The following MINDY2 variants were observed in gnomAD, a reference collection of about 807,000 sequenced individuals.
MINDY2 encodes the protein ubiquitin carboxyl-terminal hydrolase MINDY-2.
Under a neutral mutation model 68.2 loss-of-function variants are expected in MINDY2, and 52 were observed. The ratio of observed to expected loss-of-function variants is 0.76; its 90% confidence interval spans 0.61 to 0.96. MINDY2 has a LOEUF of 0.96. Ranked by LOEUF, MINDY2 falls within the 40% of genes least tolerant of loss-of-function variation. The pLI is 0.00. For missense variants in MINDY2, 881 were observed against 773.4 expected, an observed-to-expected ratio of 1.14 and a Z score of -1.65; for synonymous variants, 372 against 303.0, an observed-to-expected ratio of 1.23 and a Z score of -2.36.
At chr15:58,787,860 T>G in intron 1 of MINDY2, 46 bp from the exon 2 acceptor site, 1 of 1,308,722 alleles carries the variant, frequency 7.6e-7, no homozygotes, top group Admixed American at 2.0e-5. Context: ...AATACTTTAG[T>G]CACCTAAAAC....
chr15:58,794,650 A>G (rs959586362), intron 2 of MINDY2, among the ~76,000 whole-genome samples: 2 of 152,084 alleles, frequency 1.3e-5, no homozygotes, highest in Non-Finnish European at 2.9e-5. Context: ...TGACAGGAGC[A>G]AGTGGATACC....
intron 4 of MINDY2, among the ~76,000 whole-genome samples, chr15:58,817,168 T>C (rs986650999): frequency 1.3e-5 from 2 of 152,106 alleles, no homozygotes; most frequent in Non-Finnish European, 2.9e-5. Flanking sequence ...CCAAACAGAA[T>C]GTAAAAGCAA....
chr15:58,785,135 C>CAAAAGAAAAAA (rs1901401933), intron 1 of MINDY2, among the ~76,000 whole-genome samples: 1 of 68,468 alleles, frequency 1.5e-5, no homozygotes, highest in Non-Finnish European at 2.7e-5. Flanking sequence ...TGAAGGAAAG[C>CAAAAGAAAAAA]AAAAAAAAAA....
At position 58,810,289 on chromosome 15, in the gene MINDY2, AAG is replaced by A. The variant is rs2030141843; in HGVS notation, c.1025_1026del (p.Arg342IlefsTer8). 1 of 1,613,814 alleles carries A rather than the reference AAG, an allele frequency of 6.2e-7. No homozygotes were observed. The highest frequency in any genetic ancestry group is 1.3e-5 in the African/African-American group (1 of 74,912). On this transcript the variant is annotated frameshift_variant, in exon 4 of 9. Coordinates refer to ENST00000559228, the MANE Select transcript of MINDY2 (RefSeq NM_001040450.3). LOFTEE classifies it high-confidence loss of function. ...TACAGACAGGCCTGGATGTAAATGT[AAG>A]ATTCACTGGTGTTCGAGTGTTTGAA... ...KLQTGLDVNV[R>X]FTGVRVFEYT...
rs138558672 is a variant in MINDY2, at chr15:58,858,937, A to G, written c.*4327A>G. The G allele has an allele frequency of 4.3e-4, 66 of 152,290 alleles. No individual in the cohort carries two copies. The East Asian group carries it at 9.8e-3, about 23-fold the overall frequency. 9.4% of individuals were successfully genotyped at this position (152,290 alleles called of 1,614,324 possible). On this transcript the variant is annotated 3_prime_UTR_variant, in exon 9 of 9. Coordinates refer to ENST00000559228, the MANE Select transcript of MINDY2 (RefSeq NM_001040450.3). Reference sequence around the variant, plus strand: ...CTCAATGTACTCTTTAAATATGTGAAGGATGCTCTTTTTGATTAAGTGTTT... The same window carrying G: ...CTCAATGTACTCTTTAAATATGTGAGGGATGCTCTTTTTGATTAAGTGTTT...
intron 5 of MINDY2, among the ~76,000 whole-genome samples, chr15:58,830,120 T>C (rs2031634331): frequency 6.6e-6 from 1 of 152,156 alleles, no homozygotes; most frequent in South Asian, 2.1e-4. Flanking sequence ...TTAAAAAATA[T>C]GTATACAGTT....
At chr15:58,813,911 T>C (rs11631244) in intron 4 of MINDY2, among the ~76,000 whole-genome samples, 9 of 151,002 alleles carry the variant, frequency 6.0e-5, no homozygotes, top group African/African-American at 2.2e-4. Flanking sequence ...AATATTTCAT[T>C]GTAGTTTTAA....
chr15:58,833,600 C>CT (rs1297125231), intron 6 of MINDY2, among the ~76,000 whole-genome samples: 5 of 152,126 alleles, frequency 3.3e-5, no homozygotes, highest in African/African-American at 4.8e-5. Flanking sequence ...GAACAAATGT[C>CT]TCTGCATCAT....
intron 6 of MINDY2, among the ~76,000 whole-genome samples, chr15:58,838,132 T>C (rs2032093785): frequency 6.6e-6 from 1 of 152,064 alleles, no homozygotes; most frequent in African/African-American, 2.4e-5. Flanking sequence ...GTGTGGTGGT[T>C]CACGCCTGTA....
At chr15:58,814,089 C>T (rs571342165) in intron 4 of MINDY2, among the ~76,000 whole-genome samples, 4 of 151,972 alleles carry the variant, frequency 2.6e-5, no homozygotes, top group Admixed American at 2.0e-4. Context: ...AGGCGCCCAC[C>T]ACCATGCCCA....
At chr15:58,779,302 G>A (rs1344480883) in intron 1 of MINDY2, among the ~76,000 whole-genome samples, 2 of 152,226 alleles carry the variant, frequency 1.3e-5, no homozygotes, top group Admixed American at 6.5e-5. Flanking sequence ...TCGAATGGAC[G>A]TATGCTATTG....
At chr15:58,772,316 T>G in intron 1 of MINDY2, 81 bp downstream of exon 1, 1 of 1,568,234 alleles carries the variant, frequency 6.4e-7, no homozygotes, top group Admixed American at 1.8e-5. Flanking sequence ...TGTCAGGTGA[T>G]GGCTTCCTTT....
At chr15:58,835,536 C>T (rs1391458402) in intron 6 of MINDY2, among the ~76,000 whole-genome samples, 2 of 152,112 alleles carry the variant, frequency 1.3e-5, no homozygotes, top group African/African-American at 4.8e-5. Flanking sequence ...GCCTGTAATT[C>T]CAGCTACTTG....
Position 58,858,040 on chromosome 15 carries a change from T to A in MINDY2, c.*3430T>A, listed in dbSNP as rs1567083518. ...CAAGTTTTCATGACCTCTGTTAGAT[T>A]CTCAAAAGAATTCAGAACTTCAATT... On this transcript the variant is annotated 3_prime_UTR_variant, in exon 9 of 9. Transcript: ENST00000559228. 1 of 152,220 alleles carries A rather than the reference T, an allele frequency of 6.6e-6. No homozygotes were observed. The highest frequency in any genetic ancestry group is 1.9e-4 in the East Asian group (1 of 5,202). 9.4% of individuals were successfully genotyped at this position (152,220 alleles called of 1,614,324 possible). A position where few individuals can be genotyped will look rare whatever the true frequency, so the allele number is the denominator to read the frequency against.
rs374052441 is a variant in MINDY2, at chr15:58,810,183, T to C, written c.964-47T>C. The C allele has an allele frequency of 2.8e-5, 42 of 1,505,628 alleles. No individual in the cohort carries two copies. In the African/African-American group the frequency reaches 4.8e-4, roughly 17 times the overall value. 93.3% of individuals were successfully genotyped at this position (1,505,628 alleles called of 1,614,324 possible). On this transcript the variant is annotated intron_variant, in intron 3 of 8. Coordinates refer to ENST00000559228, the MANE Select transcript of MINDY2 (RefSeq NM_001040450.3). Reference sequence around the variant, plus strand: ...TTGTACTTGAATATCTTTTTTGTTCTCGTTTTGATGTTTCTGAATTAGAAC... The same window carrying C: ...TTGTACTTGAATATCTTTTTTGTTCCCGTTTTGATGTTTCTGAATTAGAAC...
chr15:58,849,447 G>T (rs1200973581), intron 7 of MINDY2, among the ~76,000 whole-genome samples: 1 of 152,156 alleles, frequency 6.6e-6, no homozygotes, highest in African/African-American at 2.4e-5. Flanking sequence ...AGAGGTTGCA[G>T]TGAGCCAAGA....
Position 58,820,265 on chromosome 15 carries a change from AAAAC to A in MINDY2, c.1123-1428_1123-1425del, listed in dbSNP as rs533263549. Among the ~76,000 whole-genome samples the A allele has an allele frequency of 1.9e-3, 283 of 151,236 alleles. 1 individual carries two copies. The highest frequency in any genetic ancestry group is 3.9e-3 in the African/African-American group (159 of 41,212). The stretch of plus-strand genomic sequence containing the variant: ...TGGCGACAGAGTGAGATTCCATCTC[AAAAC>A]AAACAAACAAACAAACAAACAAAAA... On this transcript the variant is annotated intron_variant, in intron 4 of 8. Coordinates refer to ENST00000559228, the MANE Select transcript of MINDY2 (RefSeq NM_001040450.3).
intron 5 of MINDY2, among the ~76,000 whole-genome samples, chr15:58,830,503 A>G (rs1222268138): frequency 6.6e-6 from 1 of 152,204 alleles, no homozygotes; most frequent in African/African-American, 2.4e-5. Flanking sequence ...GCTGATCAGT[A>G]TAATGCAGAC....
In MINDY2 at chr15:58,858,926, TA is replaced by T. The variant is rs1212151594; in HGVS notation, c.*4319del. ...ACTTTCTGTGCCTCAATGTACTCTT[TA>T]AATATGTGAAGGATGCTCTTTTTGA... On this transcript the variant is annotated 3_prime_UTR_variant, in exon 9 of 9. Transcript: ENST00000559228. 2.6e-5 allele frequency: 4 copies of T among 152,288 alleles called. No homozygotes were observed. The East Asian group carries it at 7.7e-4, about 29-fold the overall frequency. 9.4% of individuals were successfully genotyped at this position (152,288 alleles called of 1,614,324 possible).
Sources: allele counts gnomAD v4.1 joint callset (sites outside exome capture counted in the v4.1 genomes callset), GRCh38; gene constraint gnomAD v4.1.1; transcripts MANE v1.5; gene names NCBI Gene and HGNC (gene_info 2026-07-23, HGNC 2026-07-21).